The following CREB3L2 variants were observed in gnomAD, a reference collection of about 807,000 sequenced individuals.
CREB3L2 encodes cAMP responsive element binding protein 3 like 2, also known as cyclic AMP-responsive element-binding protein 3-like protein 2.
CREB3L2 carries 23 observed loss-of-function variants against 57.2 expected under a neutral mutation model. The observed-to-expected ratio is 0.40, with a 90% CI of 0.29 to 0.57. CREB3L2 has a LOEUF of 0.57. Ranked by LOEUF, CREB3L2 falls within the 20% of genes least tolerant of loss-of-function variation. CREB3L2 has a pLI of 0.42. For missense variants in CREB3L2, 628 were observed against 634.7 expected, an observed-to-expected ratio of 0.99 and a Z score of 0.11; for synonymous variants, 268 against 265.1, an observed-to-expected ratio of 1.01 and a Z score of -0.11.
chr7:137,880,536 C>T lies in CREB3L2; in HGVS notation c.1503G>A (p.Leu501=). Residue 501 remains leucine, a synonymous_variant, in exon 12 of 12, where the codon CTG becomes CTA. Coordinates refer to ENST00000330387, the MANE Select transcript of CREB3L2 (RefSeq NM_194071.4). The surrounding 1 kb of genome is among the most constrained non-coding windows in gnomAD (Gnocchi z 4.0). ...ELQQHLVSAK[L]EGNETLKVVE... is the part of the protein sequence containing the mutation. ...CAACTTTTAGTGTTTCATTCCCCTC[C>T]AGTTTGGCGCTGACCCTGTGAAGGC... 1.5e-5 allele frequency: 25 copies of T among 1,613,822 alleles called. No homozygotes were observed. The highest frequency in any genetic ancestry group is 2.1e-5 in the Non-Finnish European group (25 of 1,179,790).
chr7:137,897,811 C>A, intron 8 of CREB3L2, among the ~76,000 whole-genome samples: 1 of 152,074 alleles, frequency 6.6e-6, no homozygotes, highest in Non-Finnish European at 1.5e-5. Context: ...CATAAAGATA[C>A]CTCTGAGTGA....
chr7:137,908,166 C>G (rs1799929053), intron 5 of CREB3L2, 86 bp downstream of exon 5: 4 of 976,246 alleles, frequency 4.1e-6, no homozygotes, highest in African/African-American at 1.7e-5. Flanking sequence ...ACCAAACAGC[C>G]TTGAGTGGTC....
chr7:138,001,505 C>T lies in CREB3L2; in HGVS notation c.102+99G>A. ...TCTTGATTCTGACCATGCCCTGCCC[C>T]AAACCCTGCCTTCCCGGGTCCCAGG... is the stretch of plus-strand genomic sequence containing the variant. On this transcript the variant is annotated intron_variant, in intron 1 of 11. Coordinates refer to ENST00000330387, the MANE Select transcript of CREB3L2 (RefSeq NM_194071.4). The surrounding 1 kb of genome is among the most constrained non-coding windows in gnomAD (Gnocchi z 4.2). 1.1e-6 allele frequency: 1 copy of T among 869,770 alleles called. No individual in the cohort carries two copies. The highest frequency in any genetic ancestry group is 1.8e-6 in the Non-Finnish European group (1 of 551,620). The allele number at this position is 869,770 out of a possible 1,614,324, so 53.9% of individuals were successfully genotyped here.
chr7:137,983,680 A>T (rs1801746952), intron 1 of CREB3L2, among the ~76,000 whole-genome samples: 1 of 151,982 alleles, frequency 6.6e-6, no homozygotes, highest in Admixed American at 6.6e-5. Context: ...CGGCCTGGCC[A>T]CTCCGTTTGC....
chr7:137,995,116 A>G lies in CREB3L2; in HGVS notation c.102+6488T>C, dbSNP rs377313753. On this transcript the variant is annotated intron_variant, in intron 1 of 11. Transcript: ENST00000330387. Reference sequence around the variant, plus strand: ...AAGAAAAATCAGCTAGTGGGCTAGTAAGAAAAGTTTCTTCCATTCTAAAAA... The same window carrying G: ...AAGAAAAATCAGCTAGTGGGCTAGTGAGAAAAGTTTCTTCCATTCTAAAAA... Among the ~76,000 whole-genome samples the G allele has an allele frequency of 2.0e-5, 3 of 152,228 alleles. No homozygotes were observed. The East Asian group carries it at 5.8e-4, about 29-fold the overall frequency.
intron 8 of CREB3L2, among the ~76,000 whole-genome samples, chr7:137,896,214 G>A (rs1799625718): frequency 6.6e-6 from 1 of 152,226 alleles, no homozygotes; most frequent in Admixed American, 6.5e-5. Context: ...AGCAGTTAGA[G>A]GAACTCTAGG....
At chr7:137,996,743 T>C (rs1226327751) in intron 1 of CREB3L2, among the ~76,000 whole-genome samples, 4 of 152,198 alleles carry the variant, frequency 2.6e-5, no homozygotes, top group Non-Finnish European at 1.5e-5. Flanking sequence ...TACCTACCAC[T>C]GTCTGGGACC....
chr7:137,909,671 T>C (rs1327639557), intron 4 of CREB3L2, among the ~76,000 whole-genome samples: 1 of 152,118 alleles, frequency 6.6e-6, no homozygotes, highest in African/African-American at 2.4e-5. Flanking sequence ...CTTCTTCCAA[T>C]GGAGACCACC....
chr7:137,954,902 A>G (rs929402677), intron 1 of CREB3L2, among the ~76,000 whole-genome samples: 1 of 152,162 alleles, frequency 6.6e-6, no homozygotes, highest in Non-Finnish European at 1.5e-5. Flanking sequence ...AACGTTGCCT[A>G]AGCACAAGTG....
At chr7:137,955,388 C>A in intron 1 of CREB3L2, 1 of 1,049,586 alleles carries the variant, frequency 9.5e-7, no homozygotes, top group Non-Finnish European at 1.3e-6. Flanking sequence ...ATGATTAGTT[C>A]TTCAGCACGG....
intron 8 of CREB3L2, among the ~76,000 whole-genome samples, chr7:137,901,056 A>ATGCATGTATGTG (rs1799743492): frequency 6.6e-6 from 1 of 152,206 alleles, no homozygotes. Context: ...AGTAAAGAAT[A>ATGCATGTATGTG]TGCATGTATG....
At chr7:137,922,435 TAC>T (rs1260700386) in intron 2 of CREB3L2, among the ~76,000 whole-genome samples, 16 of 47,144 alleles carry the variant, frequency 3.4e-4, no homozygotes, top group African/African-American at 2.2e-3. Flanking sequence ...TATATATATA[TAC>T]GTATATATAT....
chr7:137,903,447 A>G (rs1367720036), intron 7 of CREB3L2, among the ~76,000 whole-genome samples: 1 of 152,122 alleles, frequency 6.6e-6, no homozygotes, highest in South Asian at 2.1e-4. Flanking sequence ...GATATTACAG[A>G]CTTTTCAAAA....
At chr7:137,938,408 C>G (rs1032503654) in intron 1 of CREB3L2, among the ~76,000 whole-genome samples, 3 of 152,014 alleles carry the variant, frequency 2.0e-5, no homozygotes, top group Admixed American at 2.0e-4. Context: ...TACAGTGGTG[C>G]GATCTCGGCT....
intron 5 of CREB3L2, 63 bp from the exon 6 acceptor site, chr7:137,905,911 C>A: frequency 7.0e-7 from 1 of 1,438,330 alleles, no homozygotes. Flanking sequence ...GAAGAATCAC[C>A]TCCCAATGGG....
chr7:137,939,046 C>T (rs920995392), intron 1 of CREB3L2, among the ~76,000 whole-genome samples: 2 of 152,304 alleles, frequency 1.3e-5, no homozygotes, highest in Admixed American at 1.3e-4. Flanking sequence ...GCAAATACCC[C>T]CAAAATGCAC....
At chr7:137,968,648 G>A (rs192532416) in intron 1 of CREB3L2, among the ~76,000 whole-genome samples, 2 of 152,294 alleles carry the variant, frequency 1.3e-5, no homozygotes. Flanking sequence ...CTTTGCTACT[G>A]TGAATAGTGG....
chr7:137,971,611 C>A (rs1801508907), intron 1 of CREB3L2, among the ~76,000 whole-genome samples: 1 of 151,766 alleles, frequency 6.6e-6, no homozygotes, highest in Non-Finnish European at 1.5e-5. Flanking sequence ...TCCCCTGGAT[C>A]TCTTTCCCCA....
chr7:137,909,657 G>A (rs1799964460), intron 4 of CREB3L2, among the ~76,000 whole-genome samples: 1 of 152,190 alleles, frequency 6.6e-6, no homozygotes, highest in Non-Finnish European at 1.5e-5. Context: ...TCACCTCCTT[G>A]TCCCTTCTTC....
Sources: gnomAD v4.1 joint callset for allele counts (sites outside exome capture counted in the v4.1 genomes callset) on GRCh38, gnomAD v4.1.1 for gene constraint, Gnocchi (gnomAD v3.1) non-coding constraint, MANE v1.5 for transcripts, NCBI Gene and HGNC (gene_info 2026-07-23, HGNC 2026-07-21) for gene names.